Variants in PTPRD observed in about 807,000 individuals in gnomAD.
PTPRD encodes the protein receptor-type tyrosine-protein phosphatase delta.
Under a neutral mutation model 214.5 loss-of-function variants are expected in PTPRD, and 34 were observed. The ratio of observed to expected loss-of-function variants is 0.16; its 90% CI spans 0.12 to 0.21. The LOEUF (loss-of-function observed/expected upper bound fraction) is 0.21. PTPRD is among the 10% of genes least tolerant of loss of function. PTPRD has a pLI of 1.00. For synonymous variants in PTPRD, 1,128 were observed against 845.7 expected, an observed-to-expected ratio of 1.33 and a Z score of -5.79; for missense variants, 2,545 against 2,398.7, an observed-to-expected ratio of 1.06 and a Z score of -1.27.
chr9:8,848,487 C>T (rs2097751284), intron 11 of PTPRD, among the ~76,000 whole-genome samples: 2 of 145,632 alleles, frequency 1.4e-5, no homozygotes, highest in Admixed American at 7.0e-5. Context: ...AAGTGCACAC[C>T]ACCGTATCTG....
Position 10,331,652 on chromosome 9 carries a change from T to C in PTPRD, c.-545+9311A>G, listed in dbSNP as rs142022457. 3.2e-3 allele frequency among the ~76,000 whole-genome samples: 489 copies of C among 151,928 alleles called. 1 individual carries two copies. The highest frequency in any genetic ancestry group is 0.011 in the African/African-American group (447 of 41,506). ...CTTAGAGGAAATTCCCCATTTTTGC[T>C]TGTTAGTCCAAATTGAGTTTTTAAA... On this transcript the variant is annotated intron_variant, in intron 3 of 45. Transcript: ENST00000381196.
At chr9:8,371,035 C>T (rs564539825) in intron 39 of PTPRD, among the ~76,000 whole-genome samples, 29 of 152,176 alleles carry the variant, frequency 1.9e-4, no homozygotes, top group African/African-American at 6.5e-4. Flanking sequence ...TGAATAAGTG[C>T]TCAACTATCC....
rs1187052168 is a variant in PTPRD, at chr9:8,893,556, T to C, written c.-104+125141A>G. Among the ~76,000 whole-genome samples the C allele has an allele frequency of 2.6e-5, 4 of 152,292 alleles. No individual in the cohort carries two copies. The East Asian group carries it at 7.7e-4, about 29-fold the overall frequency. On this transcript the variant is annotated intron_variant, in intron 11 of 45. Coordinates refer to ENST00000381196, the MANE Select transcript of PTPRD (RefSeq NM_002839.4). ...AATAGCAATCTGACAATTTCAAGTG[T>C]TGGCAAGTGTGTGGAGCAGTGAGAG...
At chr9:8,481,953 T>C (rs1447507472) in intron 30 of PTPRD, among the ~76,000 whole-genome samples, 1 of 152,096 alleles carries the variant, frequency 6.6e-6, no homozygotes, top group African/African-American at 2.4e-5. Flanking sequence ...CGGCTAATTG[T>C]TGTATTTTCA....
chr9:10,532,964 G>T (rs551695473), intron 2 of PTPRD, among the ~76,000 whole-genome samples: 2 of 152,040 alleles, frequency 1.3e-5, no homozygotes, highest in Non-Finnish European at 2.9e-5. Flanking sequence ...TTGGGATGTA[G>T]GGTCTAGAGG....
intron 10 of PTPRD, among the ~76,000 whole-genome samples, chr9:9,149,569 GC>G (rs1306737281): frequency 1.3e-5 from 2 of 152,138 alleles, no homozygotes; most frequent in Non-Finnish European, 2.9e-5. Context: ...ATCAGCTTCA[GC>G]AACATGTTCA....
chr9:8,402,146 G>C (rs549753807), intron 36 of PTPRD, among the ~76,000 whole-genome samples: 1 of 152,240 alleles, frequency 6.6e-6, no homozygotes, highest in East Asian at 1.9e-4. Context: ...TTAGATGAAA[G>C]CTCTCTATAG....
At chr9:9,188,773 G>T (rs1413370827) in intron 9 of PTPRD, among the ~76,000 whole-genome samples, 1 of 151,746 alleles carries the variant, frequency 6.6e-6, no homozygotes, top group Admixed American at 6.6e-5. Flanking sequence ...GAGAGTGGAC[G>T]TCAACCTGGT....
rs80080320 is a variant in PTPRD at position 9,847,563 on chromosome 9, G to T, written c.-367-80712C>A. On this transcript the variant is annotated intron_variant, in intron 5 of 45. Transcript: ENST00000381196. ...CCCACTTTTTCACCAATGCCCCCTA[G>T]GTTTGTCATATTCTTGCCACTTTAC... Among the ~76,000 whole-genome samples, 1,099 of 152,072 alleles carry T rather than the reference G, an allele frequency of 7.2e-3. 12 individuals carry two copies. Among genetic ancestry groups the T allele is most frequent in the African/African-American group, 0.021 (887 of 41,478 alleles).
At chr9:9,472,477 A>T (rs1314608935) in intron 8 of PTPRD, among the ~76,000 whole-genome samples, 1 of 152,146 alleles carries the variant, frequency 6.6e-6, no homozygotes, top group Non-Finnish European at 1.5e-5. Flanking sequence ...TGCTGGGATT[A>T]CAGGCGTGAG....
At chr9:8,742,956 G>C (rs7867098) in intron 11 of PTPRD, among the ~76,000 whole-genome samples, 9,135 of 152,030 alleles carry the variant, frequency 0.06, 723 homozygotes, top group African/African-American at 0.18. Context: ...TAAGGGTAGA[G>C]GCCACAGATA....
intron 8 of PTPRD, among the ~76,000 whole-genome samples, chr9:9,524,751 A>C (rs1443764819): frequency 6.6e-6 from 1 of 152,198 alleles, no homozygotes; most frequent in Non-Finnish European, 1.5e-5. Flanking sequence ...TCGATTTTAC[A>C]TTGACTAAAT....
chr9:8,592,115 G>A (rs1490131349), intron 14 of PTPRD, among the ~76,000 whole-genome samples: 1 of 152,132 alleles, frequency 6.6e-6, no homozygotes, highest in African/African-American at 2.4e-5. Flanking sequence ...AAAGAACTAT[G>A]TGGAAAAATT....
chr9:10,034,972 T>C (rs2097151669), intron 3 of PTPRD, among the ~76,000 whole-genome samples: 1 of 152,150 alleles, frequency 6.6e-6, no homozygotes, highest in Admixed American at 6.6e-5. Flanking sequence ...GGATTGCTAG[T>C]AATAGGATTG....
chr9:9,200,134 A>C (rs911460974), intron 9 of PTPRD, among the ~76,000 whole-genome samples: 2 of 152,190 alleles, frequency 1.3e-5, no homozygotes, highest in African/African-American at 4.8e-5. Context: ...TCCTACTGGG[A>C]GCCATTTGGT....
intron 11 of PTPRD, among the ~76,000 whole-genome samples, chr9:8,746,865 G>T (rs914672550): frequency 2.0e-5 from 3 of 152,098 alleles, no homozygotes; most frequent in Non-Finnish European, 4.4e-5. Flanking sequence ...TTGGATATGG[G>T]TCTCACATAG....
intron 9 of PTPRD, among the ~76,000 whole-genome samples, chr9:9,392,721 C>T (rs1374331601): frequency 6.6e-6 from 1 of 152,184 alleles, no homozygotes; most frequent in Non-Finnish European, 1.5e-5. Context: ...TTCTTGGCTA[C>T]ATAGATGACC....
intron 2 of PTPRD, among the ~76,000 whole-genome samples, chr9:10,590,921 A>G (rs542615544): frequency 6.6e-6 from 1 of 150,814 alleles, no homozygotes; most frequent in East Asian, 1.9e-4. Context: ...TAAATTATAT[A>G]AATATATTAC....
chr9:8,834,899 G>A (rs938732172), intron 11 of PTPRD, among the ~76,000 whole-genome samples: 7 of 152,170 alleles, frequency 4.6e-5, no homozygotes, highest in African/African-American at 9.7e-5. Flanking sequence ...AGAGCTTTAC[G>A]CAGGCAGCTT....
Sources: gnomAD v4.1 joint callset for allele counts (sites outside exome capture counted in the v4.1 genomes callset) on GRCh38, gnomAD v4.1.1 for gene constraint, MANE v1.5 for transcripts, NCBI Gene and HGNC (gene_info 2026-07-23, HGNC 2026-07-21) for gene names.